Variants in CLYBL observed in about 807,000 individuals in gnomAD.
CLYBL encodes the protein citramalyl-CoA lyase, mitochondrial.
A neutral mutation model predicts 38.9 loss-of-function variants in CLYBL; 31 were observed. The observed-to-expected ratio is 0.80, with a 90% CI of 0.60 to 1.08. The LOEUF is 1.08. CLYBL is among the 50% of genes least tolerant of loss of function. The pLI is 0.00. For synonymous variants in CLYBL, 171 were observed against 158.6 expected, an observed-to-expected ratio of 1.08 and a Z score of -0.59; for missense variants, 434 against 411.6, an observed-to-expected ratio of 1.05 and a Z score of -0.47.
At chr13:99,769,479 A>T (rs550164252) in intron 1 of CLYBL, among the ~76,000 whole-genome samples, 6 of 152,288 alleles carry the variant, frequency 3.9e-5, no homozygotes, top group Admixed American at 2.6e-4. Context: ...TGCCCCAAAC[A>T]TTTCTTGGTA....
chr13:99,610,893 C>G (rs953033663), intron 1 of CLYBL, among the ~76,000 whole-genome samples: 5 of 152,184 alleles, frequency 3.3e-5, no homozygotes, highest in African/African-American at 1.2e-4. Context: ...TAAATAAGTA[C>G]TTCTGATTGT....
chr13:99,900,926 C>T (rs1594256363), downstream of CLYBL, among the ~76,000 whole-genome samples: 1 of 152,218 alleles, frequency 6.6e-6, no homozygotes, highest in Non-Finnish European at 1.5e-5. Context: ...GCCACCAGGC[C>T]AGTGCCACCT....
At chr13:99,861,278 A>G (rs1261589163) in intron 3 of CLYBL, among the ~76,000 whole-genome samples, 1 of 152,134 alleles carries the variant, frequency 6.6e-6, no homozygotes, top group African/African-American at 2.4e-5. Flanking sequence ...TAATTTTTAA[A>G]TGCCCCTATT....
intron 7 of CLYBL, among the ~76,000 whole-genome samples, chr13:99,887,598 A>G (rs1031963280): frequency 2.6e-5 from 4 of 152,092 alleles, no homozygotes; most frequent in Non-Finnish European, 5.9e-5. Context: ...GTCTCTACAT[A>G]AAAAATTAGC....
At chr13:99,783,491 C>T (rs988069236) in intron 2 of CLYBL, among the ~76,000 whole-genome samples, 4 of 150,338 alleles carry the variant, frequency 2.7e-5, no homozygotes, top group South Asian at 2.1e-4. Flanking sequence ...GAGTGTTGCT[C>T]TGTCACCCAG....
intron 1 of CLYBL, among the ~76,000 whole-genome samples, chr13:99,714,215 T>G (rs1315829306): frequency 6.6e-6 from 1 of 152,234 alleles, no homozygotes; most frequent in African/African-American, 2.4e-5. Context: ...CTTTGCATTG[T>G]CCGTTTCTCT....
At chr13:99,632,740 T>C (rs1042766561) in intron 1 of CLYBL, among the ~76,000 whole-genome samples, 7 of 149,418 alleles carry the variant, frequency 4.7e-5, no homozygotes, top group African/African-American at 1.7e-4. Flanking sequence ...TGAGACTCCG[T>C]CTCAAAAAAA....
In CLYBL at chr13:99,843,602, A is replaced by ATTTTT. The variant is rs1196539167; in HGVS notation, c.250-15258_250-15257insTTTTT. 5.2e-3 allele frequency among the ~76,000 whole-genome samples: 382 copies of ATTTTT among 73,600 alleles called. 3 individuals carry two copies. The Middle Eastern group carries it at 0.089, about 17-fold the overall frequency. The allele number at this position is 73,600 out of a possible 152,430, so 48.3% of individuals were successfully genotyped here. A position where few individuals can be genotyped will look rare whatever the true frequency, so the allele number is the denominator to read the frequency against. ...ATGGCAAACAGCTGGGGAAAAATTAATCTTTTTTTTTTTTTTTAAGACAGA... is the reference window on the plus strand; with the variant it reads ...ATGGCAAACAGCTGGGGAAAAATTAATTTTTTCTTTTTTTTTTTTTTTAAGACAGA... On this transcript the variant is annotated intron_variant, in intron 2 of 8. Coordinates refer to ENST00000339105, the MANE Select transcript of CLYBL (RefSeq NM_206808.5).
intron 1 of CLYBL, among the ~76,000 whole-genome samples, chr13:99,654,733 C>T (rs1022342202): frequency 2.0e-5 from 3 of 152,198 alleles, no homozygotes; most frequent in African/African-American, 7.2e-5. Flanking sequence ...AGGCCGGATG[C>T]CGTGGCTCAC....
chr13:99,612,675 G>A (rs1192375113), intron 1 of CLYBL, among the ~76,000 whole-genome samples: 5 of 151,944 alleles, frequency 3.3e-5, no homozygotes, highest in Non-Finnish European at 4.4e-5. Flanking sequence ...GATGTGAGCC[G>A]CCACACCCAT....
At chr13:99,697,030 T>C (rs539867213) in intron 1 of CLYBL, among the ~76,000 whole-genome samples, 1 of 152,340 alleles carries the variant, frequency 6.6e-6, no homozygotes, top group African/African-American at 2.4e-5. Context: ...CCACAGCCAT[T>C]GTCCTGTAAT....
chr13:99,620,463 T>A (rs529280871), intron 1 of CLYBL, among the ~76,000 whole-genome samples: 3 of 152,170 alleles, frequency 2.0e-5, no homozygotes, highest in Admixed American at 2.0e-4. Context: ...GTGTAGCCCT[T>A]CTCAAGTGCT....
intron 2 of CLYBL, among the ~76,000 whole-genome samples, chr13:99,811,096 AC>A (rs1363581656): frequency 6.6e-6 from 1 of 151,896 alleles, no homozygotes; most frequent in Admixed American, 6.6e-5. Flanking sequence ...GCCCATTAGA[AC>A]CCCCAAAGTG....
chr13:99,617,544 G>A (rs1566589660), intron 1 of CLYBL, among the ~76,000 whole-genome samples: 1 of 152,210 alleles, frequency 6.6e-6, no homozygotes, highest in East Asian at 1.9e-4. Context: ...CATGCCAAGT[G>A]CTGTTTTCGT....
chr13:99,891,372 C>A lies in CLYBL; in HGVS notation c.982C>A (p.Gln328Lys). 1 of 1,613,908 alleles carries A rather than the reference C, an allele frequency of 6.2e-7. No individual in the cohort carries two copies. Among genetic ancestry groups the A allele is most frequent in the Non-Finnish European group, 8.5e-7 (1 of 1,179,834 alleles). The change falls in exon 8 of 9, where the codon CAG (glutamine) becomes AAG (lysine). Residue 328 changes from glutamine to lysine, a missense_variant. Transcript: ENST00000339105. ...CGACATGCCATTACTGAAGCAGGCC[C>A]AGAACACTGTTACGCTTGCCACCTC... is the stretch of plus-strand genomic sequence containing the variant. Reference protein sequence around the residue: ...MIDMPLLKQAQNTVTLATSIK... With the variant: ...MIDMPLLKQAKNTVTLATSIK...
chr13:99,682,164 G>T (rs1049303382), intron 1 of CLYBL, among the ~76,000 whole-genome samples: 1 of 150,364 alleles, frequency 6.7e-6, no homozygotes, highest in Admixed American at 6.6e-5. Flanking sequence ...TTTTTTTGGA[G>T]ACAGAGTCTC....
chr13:99,763,580 G>T (rs534078584), intron 1 of CLYBL, among the ~76,000 whole-genome samples: 66 of 132,270 alleles, frequency 5.0e-4, no homozygotes, highest in African/African-American at 1.8e-3. Context: ...ACTAGACAGA[G>T]TCTTGCTCTT....
chr13:99,815,706 G>A (rs1433303924), intron 2 of CLYBL, among the ~76,000 whole-genome samples: 2 of 152,024 alleles, frequency 1.3e-5, no homozygotes, highest in African/African-American at 2.4e-5. Flanking sequence ...GTGAAACCTC[G>A]TCTCTACTAA....
At chr13:99,754,054 T>C (rs1403345323) in intron 1 of CLYBL, among the ~76,000 whole-genome samples, 1 of 115,808 alleles carries the variant, frequency 8.6e-6, no homozygotes, top group East Asian at 2.7e-4. Context: ...GCCATTGCAC[T>C]CCAGCCTGGG....
Sources: gnomAD v4.1 joint callset for allele counts (sites outside exome capture counted in the v4.1 genomes callset) on GRCh38, gnomAD v4.1.1 for gene constraint, MANE v1.5 for transcripts, NCBI Gene and HGNC (gene_info 2026-07-23, HGNC 2026-07-21) for gene names.